Variants in PTPN9 observed in about 807,000 individuals in gnomAD.
PTPN9 encodes the protein protein tyrosine phosphatase non-receptor type 9, also known as tyrosine-protein phosphatase non-receptor type 9.
A neutral mutation model predicts 69.8 loss-of-function variants in PTPN9; 26 were observed. That is an observed-to-expected ratio of 0.37 (90% confidence interval 0.27 to 0.52). PTPN9 has a LOEUF of 0.52. Among genes scored for constraint, PTPN9 ranks in the 20% least tolerant of loss-of-function variants. PTPN9 has a pLI of 0.91. For synonymous variants in PTPN9, 274 were observed against 272.5 expected, an observed-to-expected ratio of 1.01 and a Z score of -0.05; for missense variants, 549 against 740.3, an observed-to-expected ratio of 0.74 and a Z score of 3.00.
rs562345003 is a variant in PTPN9 at position 75,558,674 on chromosome 15, G to A, written c.63+20040C>T. On this transcript the variant is annotated intron_variant, in intron 1 of 12. Transcript: ENST00000618819. ...CTGCCGAGTGCCTGCGACTGCAGGC[G>A]CGCGCCGCCACACCTGACTGGTTTT... Among the ~76,000 whole-genome samples the A allele has an allele frequency of 4.6e-5, 7 of 152,330 alleles. No homozygotes were observed. The East Asian group carries it at 5.8e-4, about 13-fold the overall frequency.
At chr15:75,523,473 A>G (rs1410328916) in intron 3 of PTPN9, among the ~76,000 whole-genome samples, 1 of 152,128 alleles carries the variant, frequency 6.6e-6, no homozygotes, top group Non-Finnish European at 1.5e-5. Context: ...AAAAAAACAC[A>G]TTCTCTTTGC....
chr15:75,500,370 C>CACACAT lies in PTPN9; in HGVS notation c.968+5304_968+5305insATGTGT, dbSNP rs765326855. ...ACACACACACACACACACACACACACATATATATACACACACAAATTAGTT... is the reference window on the plus strand; with the variant it reads ...ACACACACACACACACACACACACACACACATATATATATACACACACAAATTAGTT... On this transcript the variant is annotated intron_variant, in intron 7 of 12. Transcript: ENST00000618819. Among the ~76,000 whole-genome samples the CACACAT allele has an allele frequency of 3.2e-3, 479 of 149,454 alleles. 2 individuals carry two copies. The highest frequency in any genetic ancestry group is 4.4e-3 in the Non-Finnish European group (297 of 67,412).
intron 1 of PTPN9, among the ~76,000 whole-genome samples, chr15:75,571,548 TG>T (rs1391782308): frequency 1.3e-5 from 2 of 151,842 alleles, no homozygotes; most frequent in Admixed American, 1.3e-4. Flanking sequence ...GCTTGAGCCC[TG>T]GAGTTCAAGA....
chr15:75,500,486 C>T (rs1173215123), intron 7 of PTPN9, among the ~76,000 whole-genome samples: 3 of 151,810 alleles, frequency 2.0e-5, no homozygotes, highest in South Asian at 2.1e-4. Context: ...TGCAGTGGGC[C>T]GAAATCATAC....
Position 75,466,109 on chromosome 15 carries a change from G to A in PTPN9, c.*2660C>T, listed in dbSNP as rs1314478660. On this transcript the variant is annotated 3_prime_UTR_variant, in exon 13 of 13. Transcript: ENST00000618819. ...TTAGAGGAAGTCTAGTGTAAGAGGTGAAAGAAGATACTTTGGAGTCAGATG... is the reference window on the plus strand; with the variant it reads ...TTAGAGGAAGTCTAGTGTAAGAGGTAAAAGAAGATACTTTGGAGTCAGATG... The A allele has an allele frequency of 1.3e-5, 2 of 152,226 alleles. No homozygotes were observed. The highest frequency in any genetic ancestry group is 2.9e-5 in the Non-Finnish European group (2 of 68,040). 9.4% of individuals were successfully genotyped at this position (152,226 alleles called of 1,614,324 possible). A position where few individuals can be genotyped will look rare whatever the true frequency, so the allele number is the denominator to read the frequency against.
At chr15:75,485,613 A>G (rs1024810769) in intron 8 of PTPN9, among the ~76,000 whole-genome samples, 3 of 135,666 alleles carry the variant, frequency 2.2e-5, no homozygotes, top group African/African-American at 2.8e-5. Context: ...CTCATGATCC[A>G]CCCGCCTCGG....
chr15:75,517,393 T>C lies in PTPN9; in HGVS notation c.423-29A>G, dbSNP rs767623593. ...TAAATCAACCATTGAACAAAAACATTTGTAAGTAAGCAGATGGATGAGGCA... is the reference window on the plus strand; with the variant it reads ...TAAATCAACCATTGAACAAAAACATCTGTAAGTAAGCAGATGGATGAGGCA... On this transcript the variant is annotated intron_variant, in intron 4 of 12. Coordinates refer to ENST00000618819, the MANE Select transcript of PTPN9 (RefSeq NM_002833.4). 2.5e-6 allele frequency: 4 copies of C among 1,578,140 alleles called. No homozygotes were observed. In the African/African-American group the frequency reaches 5.4e-5, roughly 21 times the overall value.
intron 5 of PTPN9, among the ~76,000 whole-genome samples, chr15:75,512,558 T>A (rs1001564978): frequency 3.9e-5 from 6 of 152,220 alleles, no homozygotes; most frequent in African/African-American, 1.4e-4. Context: ...TTTTCCTGAT[T>A]GTTTCCTTAG....
intron 4 of PTPN9, among the ~76,000 whole-genome samples, chr15:75,522,588 C>T (rs1051890247): frequency 6.6e-6 from 1 of 151,860 alleles, no homozygotes; most frequent in African/African-American, 2.4e-5. Context: ...TATTTTTTAT[C>T]AGAGACAGGG....
intron 1 of PTPN9, among the ~76,000 whole-genome samples, chr15:75,556,455 G>A (rs554498918): frequency 6.6e-6 from 1 of 151,892 alleles, no homozygotes; most frequent in South Asian, 2.1e-4. Flanking sequence ...TCGGCTCACT[G>A]CAACCTCCGC....
intron 6 of PTPN9, among the ~76,000 whole-genome samples, chr15:75,507,927 C>T (rs1367799693): frequency 6.6e-6 from 1 of 150,392 alleles, no homozygotes; most frequent in Non-Finnish European, 1.5e-5. Flanking sequence ...CCTGTACTCC[C>T]AGCTACTCAG....
chr15:75,500,785 C>T (rs113413846), intron 7 of PTPN9, among the ~76,000 whole-genome samples: 2 of 151,998 alleles, frequency 1.3e-5, no homozygotes, highest in South Asian at 2.1e-4. Flanking sequence ...ACTCAAGAGG[C>T]TGAGGCAGGA....
chr15:75,560,727 T>G (rs1417566754), intron 1 of PTPN9, among the ~76,000 whole-genome samples: 2 of 151,992 alleles, frequency 1.3e-5, no homozygotes, highest in Non-Finnish European at 1.5e-5. Flanking sequence ...CTGTTGTTGT[T>G]AATTACTTTA....
At chr15:75,545,965 A>G (rs1421551120) in intron 1 of PTPN9, among the ~76,000 whole-genome samples, 1 of 152,180 alleles carries the variant, frequency 6.6e-6, no homozygotes, top group Non-Finnish European at 1.5e-5. Context: ...AGATTAAAGT[A>G]AATTTATGGA....
chr15:75,490,073 G>A, intron 8 of PTPN9, 135 bp downstream of exon 8: 1 of 717,930 alleles, frequency 1.4e-6, no homozygotes, highest in South Asian at 1.7e-5. Context: ...CTAGTATGTA[G>A]CAAAATATAA....
chr15:75,529,198 G>T (rs1489432748), intron 1 of PTPN9, among the ~76,000 whole-genome samples: 1 of 151,908 alleles, frequency 6.6e-6, no homozygotes, highest in African/African-American at 2.4e-5. Context: ...TATTGGCCAG[G>T]CTGGTCTCCA....
chr15:75,578,615 G>A, intron 1 of PTPN9, 99 bp downstream of exon 1: 1 of 984,712 alleles, frequency 1.0e-6, no homozygotes, highest in Non-Finnish European at 1.3e-6. Flanking sequence ...GGGGGGCTGC[G>A]GCCCCGTGGC....
intron 6 of PTPN9, among the ~76,000 whole-genome samples, chr15:75,507,443 T>A: frequency 1.0e-5 from 1 of 96,662 alleles, no homozygotes; most frequent in African/African-American, 5.1e-5. Context: ...CAAAACTCTG[T>A]CGCAAAAAAA....
chr15:75,515,917 TAAAATAAAAC>T (rs1388764600), intron 5 of PTPN9, among the ~76,000 whole-genome samples: 1 of 151,448 alleles, frequency 6.6e-6, no homozygotes, highest in African/African-American at 2.4e-5. Context: ...AAAAATAAAA[TAAAATAAAAC>T]AAAATAAAAT....
Sources: gnomAD v4.1 joint callset for allele counts (sites outside exome capture counted in the v4.1 genomes callset) on GRCh38, gnomAD v4.1.1 for gene constraint, MANE v1.5 for transcripts, NCBI Gene and HGNC (gene_info 2026-07-23, HGNC 2026-07-21) for gene names.